RBM19: variants seen among roughly 807,000 people sequenced by gnomAD.
RBM19 encodes the protein RNA binding motif protein 19, also known as probable RNA-binding protein 19.
RBM19 carries 94 observed loss-of-function variants against 116.8 expected under a neutral mutation model. That is an observed-to-expected ratio of 0.80 (90% CI 0.68 to 0.95). The LOEUF is 0.95. RBM19 is among the 40% of genes least tolerant of loss of function. The pLI, the probability that RBM19 is intolerant of heterozygous loss-of-function variation, is 0.00. For missense variants in RBM19, 1,161 were observed against 1,220.7 expected (o/e 0.95, Z 0.73); for synonymous variants, 475 against 494.1 (o/e 0.96, Z 0.51).
intron 3 of RBM19, 64 bp downstream of exon 3, chr12:113,959,994 GA>G (rs1872349925): frequency 6.2e-7 from 1 of 1,613,748 alleles, no homozygotes; most frequent in Admixed American, 1.7e-5. Context: ...CCATCTTTGG[GA>G]ACCAAAAGTG....
chr12:113,937,402 T>C, intron 15 of RBM19: 1 of 320,046 alleles, frequency 3.1e-6, no homozygotes, highest in Non-Finnish European at 5.7e-6. Flanking sequence ...AGGCCCCCTT[T>C]GTGTTTTTTC....
rs114544100 is a variant in RBM19, at chr12:113,894,586, T to A, written c.2558+20383A>T. Among the ~76,000 whole-genome samples, 747 of 152,306 alleles carry A rather than the reference T, an allele frequency of 4.9e-3. 5 individuals carry two copies. Among genetic ancestry groups the A allele is most frequent in the African/African-American group, 0.017 (698 of 41,570 alleles). ...CCCTTTATAAACATACTCCTCAGAC[T>A]GGGGGTTGCAATGTAATTTTCTTTC... On this transcript the variant is annotated intron_variant, in intron 21 of 23. Coordinates refer to ENST00000261741, the MANE Select transcript of RBM19 (RefSeq NM_016196.4).
At chr12:113,953,880 C>T (rs1246400382) in intron 7 of RBM19, among the ~76,000 whole-genome samples, 3 of 152,184 alleles carry the variant, frequency 2.0e-5, no homozygotes, top group African/African-American at 4.8e-5. Context: ...GAGAAAACAA[C>T]GAATATGTGA....
chr12:113,844,865 C>CT, intron 22 of RBM19, 77 bp from the exon 23 acceptor site: 1 of 1,489,260 alleles, frequency 6.7e-7, no homozygotes. Context: ...TGCCAGCTGC[C>CT]TGCCTGCGTC....
chr12:113,839,054 T>A (rs1409569786), intron 23 of RBM19, among the ~76,000 whole-genome samples: 1 of 152,230 alleles, frequency 6.6e-6, no homozygotes, highest in African/African-American at 2.4e-5. Flanking sequence ...AGCTCTTTGT[T>A]GTGGCCTCAG....
At chr12:113,935,036 G>C (rs975112035) in intron 16 of RBM19, among the ~76,000 whole-genome samples, 1 of 152,164 alleles carries the variant, frequency 6.6e-6, no homozygotes, top group Non-Finnish European at 1.5e-5. Flanking sequence ...GTCTGGCTGA[G>C]ATAGGAAACA....
intron 22 of RBM19, among the ~76,000 whole-genome samples, chr12:113,854,509 G>A (rs1877719295): frequency 6.6e-6 from 1 of 152,016 alleles, no homozygotes; most frequent in Non-Finnish European, 1.5e-5. Flanking sequence ...TCCACATGTG[G>A]GGAAGGCTCT....
At chr12:113,889,562 G>T (rs915983951) in intron 21 of RBM19, among the ~76,000 whole-genome samples, 1 of 152,152 alleles carries the variant, frequency 6.6e-6, no homozygotes, top group East Asian at 1.9e-4. Flanking sequence ...CCAGCCCCAC[G>T]GGTCCTCAGT....
At chr12:113,906,302 G>GC (rs1293406365) in intron 21 of RBM19, among the ~76,000 whole-genome samples, 12 of 152,236 alleles carry the variant, frequency 7.9e-5, no homozygotes, top group Non-Finnish European at 1.3e-4. Context: ...GATTACAACT[G>GC]CAACATAGCA....
chr12:113,936,010 A>G (rs531157328), intron 16 of RBM19, among the ~76,000 whole-genome samples: 1 of 151,850 alleles, frequency 6.6e-6, no homozygotes, highest in South Asian at 2.1e-4. Flanking sequence ...AGCCTGGGCA[A>G]CAGAGCAAGG....
At position 113,836,915 on chromosome 12, in the gene RBM19, C is replaced by A. The variant is rs929458448; in HGVS notation, c.2785+7753G>T. On this transcript the variant is annotated intron_variant, in intron 23 of 23. Coordinates refer to ENST00000261741, the MANE Select transcript of RBM19 (RefSeq NM_016196.4). ...TACTACATACACACCCCCCCCCCCC[C>A]CACATACACACACACACACACACAC... Among the ~76,000 whole-genome samples the A allele has an allele frequency of 2.1e-3, 25 of 12,166 alleles. 6 individuals are homozygous for A. The highest frequency in any genetic ancestry group is 3.5e-3 in the Non-Finnish European group (21 of 6,002). 8.0% of individuals were successfully genotyped at this position (12,166 alleles called of 152,430 possible).
intron 17 of RBM19, among the ~76,000 whole-genome samples, chr12:113,925,106 C>T (rs112130789): frequency 1.9e-4 from 29 of 152,308 alleles, no homozygotes; most frequent in African/African-American, 6.7e-4. Context: ...CACCAAATGC[C>T]AGAATAATTT....
intron 21 of RBM19, among the ~76,000 whole-genome samples, chr12:113,878,730 C>G (rs1343925449): frequency 2.0e-5 from 3 of 150,066 alleles, no homozygotes; most frequent in Non-Finnish European, 4.4e-5. Context: ...CCAAGGTCAC[C>G]TATGCGGAGG....
intron 21 of RBM19, among the ~76,000 whole-genome samples, chr12:113,883,891 A>G (rs750830244): frequency 1.8e-4 from 27 of 152,368 alleles, no homozygotes; most frequent in Admixed American, 3.9e-4. Context: ...CCTGGATAGG[A>G]ACTGGAGGTA....
At position 113,957,840 on chromosome 12, in the gene RBM19, G is replaced by A. The variant is rs958232894; in HGVS notation, c.782C>T (p.Ala261Val). 6.2e-7 allele frequency: 1 copy of A among 1,613,560 alleles called. No individual in the cohort carries two copies. The highest frequency in any genetic ancestry group is 8.5e-7 in the Non-Finnish European group (1 of 1,179,776). The change falls in exon 6 of 24, where the codon GCA (alanine) becomes GTA (valine). Residue 261 changes from alanine to valine, a missense_variant. Ala to Val is a moderately conservative substitution (Grantham distance 64). Coordinates refer to ENST00000261741, the MANE Select transcript of RBM19 (RefSeq NM_016196.4). Reference protein sequence around the residue: ...PVLQERDSKGAGQEQGMPAGK... With the variant: ...PVLQERDSKGVGQEQGMPAGK... ...AGCTGGCATCCCTTGCTCTTGGCCT[G>A]CACCCTTGCTGTCTCTTTCCTGCAG...
chr12:113,886,708 A>G (rs1209325237), intron 21 of RBM19, among the ~76,000 whole-genome samples: 1 of 136,028 alleles, frequency 7.4e-6, no homozygotes, highest in Non-Finnish European at 1.6e-5. Context: ...TTTTGTTTTA[A>G]CCCAAAGATT....
chr12:113,837,624 G>A (rs17397379), intron 23 of RBM19, among the ~76,000 whole-genome samples: 28,378 of 152,212 alleles, frequency 0.19, 3,275 homozygotes, highest in Middle Eastern at 0.32. Flanking sequence ...GAACGGGTAT[G>A]AGGACACATT....
intron 21 of RBM19, among the ~76,000 whole-genome samples, chr12:113,875,338 G>C (rs961120456): frequency 6.6e-6 from 1 of 152,224 alleles, no homozygotes; most frequent in African/African-American, 2.4e-5. Flanking sequence ...CTGCGAGTTG[G>C]ACCATTTGTT....
intron 12 of RBM19, 74 bp downstream of exon 12, chr12:113,946,280 T>A: frequency 6.2e-7 from 1 of 1,603,078 alleles, no homozygotes; most frequent in East Asian, 2.2e-5. Context: ...AAGACCCAGG[T>A]GGCTTAGAAA....
Sources: gnomAD v4.1 joint callset for allele counts (sites outside exome capture counted in the v4.1 genomes callset) on GRCh38, gnomAD v4.1.1 for gene constraint, MANE v1.5 for transcripts, NCBI Gene and HGNC (gene_info 2026-07-23, HGNC 2026-07-21) for gene names.